TANC1: variants seen among roughly 807,000 people sequenced by gnomAD.
TANC1 encodes the protein protein TANC1.
In TANC1, 77 loss-of-function variants were observed where a neutral mutation model predicts 149.7. That is an observed-to-expected ratio of 0.51 (90% CI 0.43 to 0.62). The LOEUF (loss-of-function observed/expected upper bound fraction) is 0.62, where lower values mean the gene tolerates loss of function less well. Ranked by LOEUF, TANC1 falls within the 20% of genes least tolerant of loss-of-function variation. TANC1 has a pLI of 0.00. For missense variants in TANC1, 1,985 were observed against 2,321.8 expected (o/e 0.85, Z 2.98); for synonymous variants, 854 against 925.0 (o/e 0.92, Z 1.39).
intron 2 of TANC1, among the ~76,000 whole-genome samples, chr2:159,007,762 G>A (rs1038450732): frequency 6.6e-6 from 1 of 152,154 alleles, no homozygotes; most frequent in African/African-American, 2.4e-5. Flanking sequence ...GTGAAGAAGT[G>A]GAGAGGAGAT....
intron 7 of TANC1, among the ~76,000 whole-genome samples, chr2:159,158,622 C>G (rs1029073985): frequency 2.6e-5 from 4 of 152,148 alleles, no homozygotes; most frequent in African/African-American, 9.7e-5. Flanking sequence ...AAGATTTTTC[C>G]TTTTCCATGA....
intron 19 of TANC1, among the ~76,000 whole-genome samples, chr2:159,214,282 C>A (rs1256649511): frequency 6.6e-6 from 1 of 152,192 alleles, no homozygotes; most frequent in African/African-American, 2.4e-5. Flanking sequence ...CTTCATAACT[C>A]TGGTCAGGCT....
intron 4 of TANC1, among the ~76,000 whole-genome samples, chr2:159,112,707 C>G (rs1168280430): frequency 6.6e-6 from 1 of 152,198 alleles, no homozygotes; most frequent in East Asian, 1.9e-4. Flanking sequence ...TCCTGAGTAG[C>G]TAGGACTACA....
intron 4 of TANC1, among the ~76,000 whole-genome samples, chr2:159,117,985 G>C (rs62171081): frequency 8.3e-6 from 1 of 120,282 alleles, no homozygotes; most frequent in African/African-American, 3.1e-5. Flanking sequence ...GAATTTTTCT[G>C]TACTGGAGTT....
intron 4 of TANC1, among the ~76,000 whole-genome samples, chr2:159,122,741 G>T (rs264594): frequency 6.7e-6 from 1 of 150,240 alleles, no homozygotes; most frequent in Non-Finnish European, 1.5e-5. Context: ...GTTGTAGTGG[G>T]TATCAATTCT....
At chr2:158,993,378 A>G (rs2035855693) in intron 1 of TANC1, among the ~76,000 whole-genome samples, 1 of 152,016 alleles carries the variant, frequency 6.6e-6, no homozygotes, top group Non-Finnish European at 1.5e-5. Context: ...CAGCCTCCTG[A>G]GTTGCTGAGA....
intron 2 of TANC1, among the ~76,000 whole-genome samples, chr2:159,013,046 A>G (rs2037924054): frequency 6.6e-6 from 1 of 152,196 alleles, no homozygotes; most frequent in Non-Finnish European, 1.5e-5. Flanking sequence ...AAGGTCATAA[A>G]CAAATGACTC....
chr2:159,064,500 G>C (rs2149685907), intron 2 of TANC1, among the ~76,000 whole-genome samples: 1 of 152,328 alleles, frequency 6.6e-6, no homozygotes, highest in Non-Finnish European at 1.5e-5. Flanking sequence ...TCTGTGAGGA[G>C]AGACCGGCCT....
intron 5 of TANC1, among the ~76,000 whole-genome samples, chr2:159,146,836 C>T (rs551219128): frequency 6.6e-6 from 1 of 152,024 alleles, no homozygotes; most frequent in Non-Finnish European, 1.5e-5. Context: ...CCACCGCACC[C>T]GGCTTAGGTG....
intron 20 of TANC1, among the ~76,000 whole-genome samples, chr2:159,219,023 T>C (rs2059521198): frequency 6.6e-6 from 1 of 152,238 alleles, no homozygotes; most frequent in Non-Finnish European, 1.5e-5. Flanking sequence ...ATAACAGCAA[T>C]GAATTGGGCA....
chr2:159,140,240 A>G (rs2051211156), intron 5 of TANC1, among the ~76,000 whole-genome samples: 1 of 152,148 alleles, frequency 6.6e-6, no homozygotes, highest in Non-Finnish European at 1.5e-5. Flanking sequence ...AAAAGTGAAA[A>G]AAAGAATATG....
chr2:159,189,052 GCCTTGGCTTTCTCA>G (rs1314703427), intron 16 of TANC1, among the ~76,000 whole-genome samples: 1 of 152,204 alleles, frequency 6.6e-6, no homozygotes, highest in Non-Finnish European at 1.5e-5. Flanking sequence ...CTCCCTCTGA[GCCTTGGCTTTCTCA>G]CCTATAAAGT....
chr2:159,192,463 A>G (rs2057519674), intron 16 of TANC1, among the ~76,000 whole-genome samples: 1 of 151,980 alleles, frequency 6.6e-6, no homozygotes, highest in Admixed American at 6.6e-5. Context: ...TTATTACTTC[A>G]TTACCAGGAA....
At chr2:159,210,537 T>G (rs192355130) in intron 19 of TANC1, among the ~76,000 whole-genome samples, 22 of 152,268 alleles carry the variant, frequency 1.4e-4, no homozygotes, top group South Asian at 2.1e-4. Context: ...TCCAATACGT[T>G]CAGATTGTTG....
chr2:158,995,723 C>T (rs913868007), intron 1 of TANC1, among the ~76,000 whole-genome samples: 2 of 152,198 alleles, frequency 1.3e-5, no homozygotes, highest in African/African-American at 4.8e-5. Context: ...CCCTACATTT[C>T]TCAGGATGCT....
chr2:159,182,222 A>C (rs1344905294), intron 14 of TANC1, among the ~76,000 whole-genome samples: 3 of 151,592 alleles, frequency 2.0e-5, no homozygotes, highest in Non-Finnish European at 4.4e-5. Flanking sequence ...AAAAAGAAAG[A>C]GTTTTCATTC....
chr2:159,050,872 A>C (rs530844774), intron 2 of TANC1, among the ~76,000 whole-genome samples: 82 of 152,314 alleles, frequency 5.4e-4, no homozygotes, highest in Non-Finnish European at 9.0e-4. Context: ...GTTTTTAGTG[A>C]ATTATCAGTA....
At chr2:159,180,988 C>T (rs1249319212) in intron 14 of TANC1, among the ~76,000 whole-genome samples, 2 of 151,996 alleles carry the variant, frequency 1.3e-5, no homozygotes, top group Admixed American at 6.6e-5. Context: ...GGTTGGGCCT[C>T]GAAAAATGGT....
chr2:159,109,646 C>T (rs945139186), intron 4 of TANC1, among the ~76,000 whole-genome samples: 6 of 152,288 alleles, frequency 3.9e-5, no homozygotes, highest in African/African-American at 1.4e-4. Context: ...AATTGCATGC[C>T]ATTCTGAGTA....
Sources: gnomAD v4.1 joint callset for allele counts (sites outside exome capture counted in the v4.1 genomes callset) on GRCh38, gnomAD v4.1.1 for gene constraint, MANE v1.5 for transcripts, NCBI Gene and HGNC (gene_info 2026-07-23, HGNC 2026-07-21) for gene names.